The following RBBP6 variants were observed in gnomAD, a reference collection of about 807,000 sequenced individuals.
RBBP6 encodes the protein RB binding protein 6, ubiquitin ligase.
In RBBP6, 25 loss-of-function variants were observed where a neutral mutation model predicts 167.7. The ratio of observed to expected loss-of-function variants is 0.15; its 90% CI spans 0.11 to 0.21. The LOEUF is 0.21. Among genes scored for constraint, RBBP6 ranks in the 10% least tolerant of loss-of-function variants. The probability of loss-of-function intolerance (pLI) is 1.00; values close to 1 mark genes in which losing one functional copy is unlikely to be tolerated. For synonymous variants in RBBP6, 789 were observed against 735.8 expected (o/e 1.07, Z -1.17); for missense variants, 1,868 against 2,134.2 (o/e 0.88, Z 2.46).
At chr16:24,568,668 A>G in intron 16 of RBBP6, 77 bp from the exon 17 acceptor site, 1 of 1,492,724 alleles carries the variant, frequency 6.7e-7, no homozygotes, top group Non-Finnish European at 8.9e-7. Context: ...TGAGGAAAGA[A>G]TGCTAGAATC....
At chr16:24,556,172 T>C (rs1898907890) in intron 6 of RBBP6, 136 bp from the exon 7 acceptor site, 1 of 756,784 alleles carries the variant, frequency 1.3e-6, no homozygotes, top group Non-Finnish European at 2.1e-6. Flanking sequence ...CACATAGCAG[T>C]TACAAGGATT....
intron 14 of RBBP6, among the ~76,000 whole-genome samples, chr16:24,565,294 G>A (rs868096890): frequency 5.9e-5 from 9 of 152,258 alleles, no homozygotes; most frequent in East Asian, 1.9e-4. Flanking sequence ...ATCTCCCACC[G>A]TCTCTTTTCC....
chr16:24,561,444 G>A (rs1055731178), intron 8 of RBBP6, among the ~76,000 whole-genome samples, 168 bp from the exon 9 acceptor site: 1 of 152,186 alleles, frequency 6.6e-6, no homozygotes. Context: ...GAGGAGTACT[G>A]TAAGATGAGA....
Position 24,546,269 on chromosome 16 carries a change from A to G in RBBP6, c.266+7A>G. On this transcript the variant is annotated splice_region_variant and intron_variant, in intron 2 of 17. Coordinates refer to ENST00000319715, the MANE Select transcript of RBBP6 (RefSeq NM_006910.5). ...CAAGCAAGACATATGTTATGTAAGTATCAAATCTCATGTATTTCTCAAAAT... is the reference window on the plus strand; with the variant it reads ...CAAGCAAGACATATGTTATGTAAGTGTCAAATCTCATGTATTTCTCAAAAT... 6.5e-7 allele frequency: 1 copy of G among 1,548,058 alleles called. No individual in the cohort carries two copies. Among genetic ancestry groups the G allele is most frequent in the South Asian group, 1.2e-5 (1 of 80,530 alleles).
chr16:24,569,031 C>T lies in RBBP6; in HGVS notation c.2341C>T (p.Pro781Ser). ...TCCTCAAGCGTTTAGGGGACAGTCT[C>T]CTAATAAACGTAATGTACCTCAAGG... ...RSPQAFRGQS[P>S]NKRNVPQGET... is the part of the protein sequence containing the mutation. The change falls in exon 17 of 18, where the codon CCT (proline) becomes TCT (serine). Residue 781 changes from proline to serine, a missense_variant. By Grantham distance (74) the Pro-to-Ser change is moderately conservative. This residue lies in a region of RBBP6 where 673 missense variants were observed against 691.5 expected (regional missense o/e 0.97). Transcript: ENST00000319715. The T allele has an allele frequency of 6.2e-7, 1 of 1,614,090 alleles. No homozygotes were observed. Among genetic ancestry groups the T allele is most frequent in the South Asian group, 1.1e-5 (1 of 91,072 alleles).
At chr16:24,560,328 G>C (rs549780043) in intron 8 of RBBP6, among the ~76,000 whole-genome samples, 5 of 152,078 alleles carry the variant, frequency 3.3e-5, no homozygotes, top group Admixed American at 6.6e-5. Context: ...GGATGGTCTC[G>C]ATCTCCTGAC....
chr16:24,540,836 ATAC>A, intron 1 of RBBP6, 44 bp downstream of exon 1: 1 of 1,585,484 alleles, frequency 6.3e-7, no homozygotes, highest in Non-Finnish European at 8.6e-7. Flanking sequence ...CTGGAGAGAG[ATAC>A]TAGCTAGAAG....
intron 1 of RBBP6, among the ~76,000 whole-genome samples, chr16:24,541,355 TCA>T (rs1223108197): frequency 2.0e-5 from 3 of 152,210 alleles, no homozygotes; most frequent in African/African-American, 7.2e-5. Flanking sequence ...GAGGATTTAA[TCA>T]GTATTGGAAT....
At chr16:24,556,007 C>T in intron 6 of RBBP6, 90 bp downstream of exon 6, 1 of 1,167,438 alleles carries the variant, frequency 8.6e-7, no homozygotes, top group Non-Finnish European at 1.2e-6. Flanking sequence ...TTAATACTGC[C>T]TTCTGTAGAC....
chr16:24,557,954 C>T (rs146031537), intron 7 of RBBP6, among the ~76,000 whole-genome samples: 8 of 152,272 alleles, frequency 5.3e-5, no homozygotes, highest in African/African-American at 1.9e-4. Flanking sequence ...TCCTCAACTT[C>T]ACCCCCATCT....
intron 13 of RBBP6, 113 bp downstream of exon 13, chr16:24,563,777 C>T: frequency 1.1e-6 from 1 of 884,862 alleles, no homozygotes; most frequent in Middle Eastern, 3.0e-4. Flanking sequence ...CGGGTCGCTG[C>T]TCTTTATTGT....
rs1156399286 is a variant in RBBP6, at chr16:24,571,881, G to A, written c.4815G>A (p.Gly1605=). 4 of 1,614,024 alleles carry A rather than the reference G, an allele frequency of 2.5e-6. No homozygotes were observed. In the South Asian group the frequency reaches 3.3e-5, roughly 13 times the overall value. The change falls in exon 18 of 18, where the codon GGG becomes GGA. Residue 1605 remains glycine (G), a synonymous_variant. Transcript: ENST00000319715. ...AGGTTGAAAAAGAGCAAATTACTGG[G>A]CAAATTGACAAGAGTACTGTCAAGC... ...ETQVEKEQIT[G]QIDKSTVKPK...
chr16:24,559,719 T>G (rs758942550), intron 8 of RBBP6, 42 bp downstream of exon 8: 65 of 1,464,032 alleles, frequency 4.4e-5, no homozygotes, highest in African/African-American at 1.9e-4. Flanking sequence ...TTTTAGAATA[T>G]TTGTATTTAC....
At position 24,562,155 on chromosome 16, in the gene RBBP6, C is replaced by G. The variant is rs1282556213; in HGVS notation, c.1283C>G (p.Pro428Arg). The G allele has an allele frequency of 6.2e-7, 1 of 1,602,108 alleles. No individual in the cohort carries two copies. The highest frequency in any genetic ancestry group is 8.5e-7 in the Non-Finnish European group (1 of 1,171,054). Residue 428 changes from proline (P) to arginine (R), a missense_variant, in exon 10 of 18, where the codon CCT becomes CGT. By Grantham distance (103) the Pro-to-Arg change is moderately radical. Coordinates refer to ENST00000319715, the MANE Select transcript of RBBP6 (RefSeq NM_006910.5). ...ISVHSEKSDG[P>R]FRDSDNKILP... ...GTTCATTCAGAAAAATCAGATGGAC[C>G]TTTTCGGTAAGCCTGTGTGTTTTTC...
At chr16:24,549,184 G>T in intron 3 of RBBP6, 1 of 1,433,910 alleles carries the variant, frequency 7.0e-7, no homozygotes, top group Non-Finnish European at 9.1e-7. Context: ...TGGGTAATTT[G>T]TGCCCGTAAC....
At chr16:24,555,753 C>G in intron 5 of RBBP6, 50 bp downstream of exon 5, 1 of 1,583,722 alleles carries the variant, frequency 6.3e-7, no homozygotes, top group Non-Finnish European at 8.7e-7. Flanking sequence ...GGTGGGTTTT[C>G]CCCCCCAATC....
chr16:24,565,441 G>T (rs1265367277), intron 14 of RBBP6, among the ~76,000 whole-genome samples: 2 of 152,216 alleles, frequency 1.3e-5, no homozygotes, highest in African/African-American at 4.8e-5. Context: ...TCCATCCTTG[G>T]CCTGTTAGGA....
At chr16:24,555,996 G>A in intron 6 of RBBP6, 79 bp downstream of exon 6, 2 of 1,297,604 alleles carry the variant, frequency 1.5e-6, no homozygotes, top group Admixed American at 1.9e-5. Context: ...ATTTTTCTTG[G>A]TTAATACTGC....
chr16:24,568,724 A>ATTGTT (rs762417243), intron 16 of RBBP6, 21 bp from the exon 17 acceptor site: 8 of 1,588,994 alleles, frequency 5.0e-6, no homozygotes, highest in South Asian at 3.4e-5. Flanking sequence ...ACTATCAACT[A>ATTGTT]TTGTTTTGTT....
Sources: gnomAD v4.1 joint callset for allele counts (sites outside exome capture counted in the v4.1 genomes callset) on GRCh38, gnomAD v4.1.1 for gene constraint, gnomAD v4.1.1 regional missense constraint, MANE v1.5 for transcripts, NCBI Gene and HGNC (gene_info 2026-07-23, HGNC 2026-07-21) for gene names.